The following FMN2 variants were observed in gnomAD, a reference collection of about 807,000 sequenced individuals.
FMN2 encodes the protein formin 2, also known as formin-2.
Under a neutral mutation model 142.3 loss-of-function variants are expected in FMN2, and 51 were observed. The observed-to-expected ratio is 0.36, with a 90% confidence interval of 0.29 to 0.45. The LOEUF is 0.45. Ranked by LOEUF, FMN2 falls within the 20% of genes least tolerant of loss-of-function variation. FMN2 has a pLI of 1.00. For missense variants in FMN2, 1,936 were observed against 2,122.8 expected (o/e 0.91, Z 1.73); for synonymous variants, 882 against 869.8 (o/e 1.01, Z -0.25).
chr1:240,099,866 C>T (rs1356000742), intron 1 of FMN2, among the ~76,000 whole-genome samples: 1 of 152,154 alleles, frequency 6.6e-6, no homozygotes. Context: ...CTCTGCCTTT[C>T]CTTCCTCCTT....
chr1:240,328,613 A>C (rs948904237), intron 8 of FMN2, among the ~76,000 whole-genome samples: 2 of 150,254 alleles, frequency 1.3e-5, no homozygotes, highest in Non-Finnish European at 3.0e-5. Context: ...ATTTGAGACA[A>C]GAGTCTTGCT....
At chr1:240,149,740 A>G (rs1229697623) in intron 2 of FMN2, among the ~76,000 whole-genome samples, 2 of 152,236 alleles carry the variant, frequency 1.3e-5, no homozygotes, top group East Asian at 3.8e-4. Context: ...TTCCAAATAT[A>G]AGGAGTTACA....
intron 6 of FMN2, among the ~76,000 whole-genome samples, chr1:240,222,350 T>C (rs1316395643): frequency 6.6e-6 from 1 of 152,148 alleles, no homozygotes; most frequent in African/African-American, 2.4e-5. Flanking sequence ...TTGGTCTATA[T>C]ATCTGTTTTG....
chr1:240,155,012 T>G (rs1469446651), intron 2 of FMN2, among the ~76,000 whole-genome samples: 1 of 151,158 alleles, frequency 6.6e-6, no homozygotes, highest in Non-Finnish European at 1.5e-5. Flanking sequence ...GACCTTGACC[T>G]CCTGAGTAGC....
chr1:240,207,624 C>G lies in FMN2; in HGVS notation c.2812C>G (p.Pro938Ala). The G allele has an allele frequency of 1.7e-6, 2 of 1,169,312 alleles. No individual in the cohort carries two copies. The highest frequency in any genetic ancestry group is 2.2e-6 in the Non-Finnish European group (2 of 894,436). 72.4% of individuals were successfully genotyped at this position (1,169,312 alleles called of 1,614,324 possible). A position where few individuals can be genotyped will look rare whatever the true frequency, so the allele number is the denominator to read the frequency against. The change falls in exon 5 of 18, where the codon CCC becomes GCC. Residue 938 changes from proline (P) to alanine (A), a missense_variant. By Grantham distance (27) the Pro-to-Ala change is conservative. Transcript: ENST00000319653. ...GAGILPLPPL[P>A]GAGIPPPPPL... ...AGGCATACTCCCTCTGCCCCCTCTA[C>G]CCGGAGCGGGAATACCTCCTCCGCC...
intron 6 of FMN2, among the ~76,000 whole-genome samples, chr1:240,215,207 C>T (rs1666849619): frequency 6.6e-6 from 1 of 152,108 alleles, no homozygotes; most frequent in African/African-American, 2.4e-5. Context: ...TTGGTAAGTG[C>T]AGTAGTAGTA....
rs556549100 is a variant in FMN2 at position 240,098,131 on chromosome 1, C to T, written c.1615+4407C>T. On this transcript the variant is annotated intron_variant, in intron 1 of 17. Coordinates refer to ENST00000319653, the MANE Select transcript of FMN2 (RefSeq NM_020066.5). ...TTTTTTTTTTTTTGGAGACAGATTTCACTCTTGTCGCCAAGGCTGGAATGA... is the reference window on the plus strand; with the variant it reads ...TTTTTTTTTTTTTGGAGACAGATTTTACTCTTGTCGCCAAGGCTGGAATGA... 8.4e-4 allele frequency among the ~76,000 whole-genome samples: 66 copies of T among 78,674 alleles called. 1 individual carries two copies. The highest frequency in any genetic ancestry group is 4.1e-3 in the African/African-American group (58 of 14,048). 51.6% of individuals were successfully genotyped at this position (78,674 alleles called of 152,430 possible).
At chr1:240,313,516 G>A (rs1280931677) in intron 8 of FMN2, among the ~76,000 whole-genome samples, 1 of 151,992 alleles carries the variant, frequency 6.6e-6, no homozygotes, top group Non-Finnish European at 1.5e-5. Flanking sequence ...TCTAACAATG[G>A]TTTTATCACC....
chr1:240,184,517 GTTTTTTT>G (rs71712034), intron 3 of FMN2, among the ~76,000 whole-genome samples: 1 of 119,802 alleles, frequency 8.3e-6, no homozygotes, highest in Non-Finnish European at 1.8e-5. Flanking sequence ...CGCCCGGCCT[GTTTTTTT>G]TTTTTTTTTT....
intron 2 of FMN2, chr1:240,143,174 A>G: frequency 6.3e-7 from 1 of 1,582,270 alleles, no homozygotes. Context: ...TTGCAGCCAG[A>G]CGGGCATTAT....
At position 240,428,336 on chromosome 1, in the gene FMN2, A is replaced by G. The variant is rs376369086; in HGVS notation, c.4911-9725A>G. Among the ~76,000 whole-genome samples, 252 of 151,766 alleles carry G rather than the reference A, an allele frequency of 1.7e-3. 1 individual carries two copies. Among genetic ancestry groups the G allele is most frequent in the African/African-American group, 5.1e-3 (212 of 41,350 alleles). ...AACCTTAACCCCCTGGGCTCAAGCA[A>G]TCCTCCCACCCCACCCTCCCAAGTA... On this transcript the variant is annotated intron_variant, in intron 15 of 17. Transcript: ENST00000319653.
Position 240,207,242 on chromosome 1 carries a change from T to C in FMN2, c.2430T>C (p.Pro810=), listed in dbSNP as rs764949248. ...AGCCCACACAGAGCATCTCACAGCC[T>C]CCACCACCTCCATCCCTTCTGTGGT... ...SHQPTQSISQ[P]PPPPSLLWSA... Residue 810 remains proline, a synonymous_variant, in exon 5 of 18, where the codon CCT becomes CCC. Transcript: ENST00000319653. The C allele has an allele frequency of 9.9e-6, 16 of 1,613,988 alleles. No homozygotes were observed. The highest frequency in any genetic ancestry group is 1.3e-5 in the Non-Finnish European group (15 of 1,179,934).
chr1:240,273,523 T>TC (rs1456686398), intron 7 of FMN2, among the ~76,000 whole-genome samples: 1 of 152,158 alleles, frequency 6.6e-6, no homozygotes, highest in Non-Finnish European at 1.5e-5. Flanking sequence ...TTTGTTTTTT[T>TC]CCTGTGTGGT....
intron 15 of FMN2, among the ~76,000 whole-genome samples, chr1:240,413,886 A>G (rs1674498352): frequency 6.6e-6 from 1 of 152,218 alleles, no homozygotes; most frequent in Non-Finnish European, 1.5e-5. Context: ...AACTGCCGTG[A>G]GGCTCCTTGC....
chr1:240,116,616 T>G (rs2103205519), intron 1 of FMN2, among the ~76,000 whole-genome samples: 1 of 152,074 alleles, frequency 6.6e-6, no homozygotes, highest in South Asian at 2.1e-4. Flanking sequence ...GTTGGCTGGG[T>G]GTGGTGGCTC....
intron 7 of FMN2, among the ~76,000 whole-genome samples, chr1:240,291,033 C>T (rs770734445): frequency 6.6e-6 from 1 of 151,942 alleles, no homozygotes; most frequent in South Asian, 2.1e-4. Flanking sequence ...AGGCTGGTCT[C>T]GAATTCTGGG....
intron 15 of FMN2, among the ~76,000 whole-genome samples, chr1:240,394,455 G>T (rs1673705894): frequency 6.6e-6 from 1 of 152,118 alleles, no homozygotes; most frequent in Non-Finnish European, 1.5e-5. Flanking sequence ...AGTAGAAGTG[G>T]GGTCATGAAG....
chr1:240,326,631 G>C (rs1187519862), intron 8 of FMN2, among the ~76,000 whole-genome samples: 1 of 152,092 alleles, frequency 6.6e-6, no homozygotes, highest in Admixed American at 6.5e-5. Flanking sequence ...CTATTCAACA[G>C]CTAGATTGAG....
intron 2 of FMN2, among the ~76,000 whole-genome samples, chr1:240,176,791 A>G (rs1269187912): frequency 6.6e-6 from 1 of 152,186 alleles, no homozygotes; most frequent in African/African-American, 2.4e-5. Flanking sequence ...CCAGGTCTGA[A>G]ATGTGGTCCT....
Sources: allele counts gnomAD v4.1 joint callset (sites outside exome capture counted in the v4.1 genomes callset), GRCh38; gene constraint gnomAD v4.1.1; transcripts MANE v1.5; gene names NCBI Gene and HGNC (gene_info 2026-07-23, HGNC 2026-07-21).